DOCK2: variants seen among roughly 807,000 people sequenced by gnomAD.
The protein encoded by DOCK2 is dedicator of cytokinesis 2.
In DOCK2, 87 loss-of-function variants were observed where a neutral mutation model predicts 248.9. That is an observed-to-expected ratio of 0.35 (90% confidence interval 0.29 to 0.42). The LOEUF is 0.42. Ranked by LOEUF, DOCK2 falls within the 10% of genes least tolerant of loss-of-function variation. The probability of loss-of-function intolerance (pLI) is 1.00; values close to 1 mark genes in which losing one functional copy is unlikely to be tolerated. For synonymous variants in DOCK2, 805 were observed against 821.6 expected, an observed-to-expected ratio of 0.98 and a Z score of 0.35; for missense variants, 1,747 against 2,300.2, an observed-to-expected ratio of 0.76 and a Z score of 4.92.
chr5:169,663,281 C>T (rs1758546237), intron 2 of DOCK2, among the ~76,000 whole-genome samples: 1 of 152,236 alleles, frequency 6.6e-6, no homozygotes, highest in Non-Finnish European at 1.5e-5. Flanking sequence ...TTGCAGGGTA[C>T]AGACCCCACA....
intron 32 of DOCK2, among the ~76,000 whole-genome samples, chr5:170,015,466 C>T (rs1378183224): frequency 1.3e-5 from 2 of 152,176 alleles, no homozygotes; most frequent in Non-Finnish European, 2.9e-5. Context: ...TTGCCTGTTT[C>T]AGAGCATTGC....
intron 1 of DOCK2, among the ~76,000 whole-genome samples, chr5:169,647,372 G>C (rs1757527069): frequency 6.6e-6 from 1 of 152,076 alleles, no homozygotes; most frequent in Non-Finnish European, 1.5e-5. Flanking sequence ...ATGAGTGGAG[G>C]GGGAGGAGGA....
intron 27 of DOCK2, among the ~76,000 whole-genome samples, chr5:169,953,154 T>C (rs1776731272): frequency 6.6e-6 from 1 of 152,080 alleles, no homozygotes; most frequent in Non-Finnish European, 1.5e-5. Flanking sequence ...AAACCCTGTC[T>C]CTACTAAAAA....
chr5:169,874,374 C>T (rs556788919), intron 27 of DOCK2, among the ~76,000 whole-genome samples: 77 of 133,068 alleles, frequency 5.8e-4, no homozygotes, highest in Middle Eastern at 4.9e-3. Context: ...GATTGTGCAA[C>T]TGCACTCCAG....
At chr5:170,058,516 G>A (rs1005164318) in intron 44 of DOCK2, among the ~76,000 whole-genome samples, 1 of 152,170 alleles carries the variant, frequency 6.6e-6, no homozygotes, top group African/African-American at 2.4e-5. Context: ...CTCTATACTG[G>A]CTGTTGAGGA....
At chr5:169,656,249 G>A (rs925276438) in intron 2 of DOCK2, among the ~76,000 whole-genome samples, 24 of 151,930 alleles carry the variant, frequency 1.6e-4, no homozygotes, top group African/African-American at 5.3e-4. Context: ...AAACAGGCAC[G>A]AGACCTCACA....
intron 27 of DOCK2, among the ~76,000 whole-genome samples, chr5:169,878,721 A>C (rs1399440422): frequency 3.3e-5 from 5 of 152,234 alleles, no homozygotes; most frequent in Non-Finnish European, 7.3e-5. Context: ...GCATTCACTC[A>C]ACCCTTTGGG....
At chr5:170,022,598 T>G (rs1489174527) in intron 33 of DOCK2, among the ~76,000 whole-genome samples, 3 of 152,116 alleles carry the variant, frequency 2.0e-5, no homozygotes, top group Non-Finnish European at 2.9e-5. Context: ...AAGGACAGTT[T>G]CAGCAAGAGG....
intron 27 of DOCK2, chr5:169,882,460 A>AT: frequency 9.0e-7 from 1 of 1,105,810 alleles, no homozygotes; most frequent in Non-Finnish European, 1.3e-6. Context: ...TTTTGGAGAC[A>AT]TTTTTACTAA....
intron 20 of DOCK2, among the ~76,000 whole-genome samples, chr5:169,717,088 A>G (rs962168342): frequency 9.2e-5 from 14 of 152,196 alleles, no homozygotes; most frequent in Non-Finnish European, 1.5e-5. Context: ...TTCACAATGT[A>G]CATAAGTATA....
rs188154214 is a variant in DOCK2 at position 169,989,132 on chromosome 5, G to A, written c.2993+3210G>A. ...TCTATTATTTACTTATCTGTTTGTT[G>A]GAAAAGGGAGTGGAGTTTTCTAGAT... On this transcript the variant is annotated intron_variant, in intron 29 of 51. Transcript: ENST00000520908. Among the ~76,000 whole-genome samples, 262 of 152,170 alleles carry A rather than the reference G, an allele frequency of 1.7e-3. 2 individuals are homozygous for A. The highest frequency in any genetic ancestry group is 5.9e-3 in the African/African-American group (245 of 41,518).
chr5:170,024,884 G>A (rs1755850889), intron 33 of DOCK2, among the ~76,000 whole-genome samples: 3 of 152,082 alleles, frequency 2.0e-5, no homozygotes, highest in Admixed American at 2.0e-4. Flanking sequence ...CACACTCCCT[G>A]GAACCCTGTA....
chr5:170,056,805 C>A, intron 43 of DOCK2, 37 bp downstream of exon 43: 1 of 1,578,828 alleles, frequency 6.3e-7, no homozygotes, highest in Non-Finnish European at 8.7e-7. Flanking sequence ...TTCCCTGGAG[C>A]CACCTGGAGG....
At chr5:169,789,596 A>C (rs991112918) in intron 25 of DOCK2, among the ~76,000 whole-genome samples, 4 of 152,162 alleles carry the variant, frequency 2.6e-5, no homozygotes, top group African/African-American at 9.7e-5. Context: ...TACTTTCCCC[A>C]GTTCCTCTTT....
chr5:169,927,741 C>T (rs183306934), intron 27 of DOCK2, among the ~76,000 whole-genome samples: 3,447 of 152,288 alleles, frequency 0.023, 130 homozygotes, highest in African/African-American at 0.079. Flanking sequence ...CTCAGCCTCC[C>T]GAGTAGCTGG....
intron 26 of DOCK2, among the ~76,000 whole-genome samples, chr5:169,819,978 G>T (rs543533097): frequency 6.6e-6 from 1 of 152,180 alleles, no homozygotes; most frequent in African/African-American, 2.4e-5. Context: ...ACTATATCCC[G>T]TGCCTGGCTT....
intron 26 of DOCK2, among the ~76,000 whole-genome samples, chr5:169,829,201 A>T (rs566118537): frequency 1.8e-4 from 28 of 152,204 alleles, no homozygotes; most frequent in Middle Eastern, 6.8e-3. Flanking sequence ...TTTCTGGAAA[A>T]ATAGTTGCAA....
At chr5:169,874,519 G>A (rs746605427) in intron 27 of DOCK2, among the ~76,000 whole-genome samples, 1 of 151,878 alleles carries the variant, frequency 6.6e-6, no homozygotes, top group Non-Finnish European at 1.5e-5. Flanking sequence ...TTCATGCATG[G>A]TCCTTGGTTC....
intron 26 of DOCK2, among the ~76,000 whole-genome samples, chr5:169,830,366 G>GGGTA (rs1478000271): frequency 6.6e-6 from 1 of 152,156 alleles, no homozygotes; most frequent in African/African-American, 2.4e-5. Context: ...TCTTAAAATG[G>GGGTA]GGTAATACTT....
Sources: gnomAD v4.1 joint callset for allele counts (sites outside exome capture counted in the v4.1 genomes callset) on GRCh38, gnomAD v4.1.1 for gene constraint, MANE v1.5 for transcripts, NCBI Gene and HGNC (gene_info 2026-07-23, HGNC 2026-07-21) for gene names.